The following MEIS2 variants were observed in gnomAD, a reference collection of about 807,000 sequenced individuals.
MEIS2 encodes the protein homeobox protein Meis2.
In MEIS2, 9 loss-of-function variants were observed where a neutral mutation model predicts 58.6. The ratio of observed to expected loss-of-function variants is 0.15; its 90% CI spans 0.09 to 0.27. The LOEUF (loss-of-function observed/expected upper bound fraction) is 0.27, where lower values mean the gene tolerates loss of function less well. Ranked by LOEUF, MEIS2 falls within the 10% of genes least tolerant of loss-of-function variation. The pLI, the probability that MEIS2 is intolerant of heterozygous loss-of-function variation, is 1.00. For synonymous variants in MEIS2, 221 were observed against 228.4 expected (o/e 0.97, Z 0.29); for missense variants, 427 against 635.0 (o/e 0.67, Z 3.52).
At chr15:37,011,943 A>G (rs1204931970) in intron 8 of MEIS2, among the ~76,000 whole-genome samples, 1 of 152,028 alleles carries the variant, frequency 6.6e-6, no homozygotes, top group Admixed American at 6.6e-5. Context: ...ATAGATCCCT[A>G]TGTGAATAAA....
At chr15:36,934,148 A>G (rs2058079732) in intron 9 of MEIS2, among the ~76,000 whole-genome samples, 1 of 152,212 alleles carries the variant, frequency 6.6e-6, no homozygotes, top group Non-Finnish European at 1.5e-5. Flanking sequence ...CCAATTTCTC[A>G]TGTTTAAAAT....
chr15:37,089,559 A>G (rs1893282834), intron 6 of MEIS2, among the ~76,000 whole-genome samples: 1 of 152,158 alleles, frequency 6.6e-6, no homozygotes, highest in Non-Finnish European at 1.5e-5. Flanking sequence ...TAAATATACA[A>G]TAAGTTTTCT....
chr15:37,099,130 G>A (rs1894776755), intron 1 of MEIS2: 1 of 1,100,950 alleles, frequency 9.1e-7, no homozygotes, highest in Non-Finnish European at 1.1e-6. Context: ...GCGCTGCTGG[G>A]GTAAAAGCTG....
intron 8 of MEIS2, among the ~76,000 whole-genome samples, chr15:37,028,264 C>T (rs766187805): frequency 6.6e-6 from 1 of 152,102 alleles, no homozygotes; most frequent in African/African-American, 2.4e-5. Context: ...CATTTCATTA[C>T]CCCCATGAAA....
chr15:36,973,427 T>C (rs7173152), intron 8 of MEIS2, among the ~76,000 whole-genome samples: 12,171 of 152,222 alleles, frequency 0.08, 1,124 homozygotes, highest in African/African-American at 0.21. Flanking sequence ...CACTGACTCT[T>C]ATTTGGATGC....
chr15:36,980,451 C>T (rs1023675882), intron 8 of MEIS2, among the ~76,000 whole-genome samples: 10 of 152,106 alleles, frequency 6.6e-5, no homozygotes, highest in Non-Finnish European at 1.0e-4. Flanking sequence ...GAGCAAGTCA[C>T]CTCTTACATG....
chr15:36,999,276 A>G (rs1293868638), intron 8 of MEIS2, among the ~76,000 whole-genome samples: 5 of 152,200 alleles, frequency 3.3e-5, no homozygotes, highest in East Asian at 3.9e-4. Flanking sequence ...GACACTGGGC[A>G]TACAGCAAGG....
chr15:37,094,338 C>A (rs894666807), intron 5 of MEIS2, among the ~76,000 whole-genome samples, 189 bp downstream of exon 5: 1 of 152,150 alleles, frequency 6.6e-6, no homozygotes, highest in Admixed American at 6.5e-5. Flanking sequence ...ACTTTAAAGG[C>A]AAGGCTGTCC....
chr15:37,095,926 C>G, intron 3 of MEIS2: 1 of 458,992 alleles, frequency 2.2e-6, no homozygotes, highest in Non-Finnish European at 3.9e-6. Context: ...TGGGACCGCT[C>G]GGAGAGGCGC....
intron 9 of MEIS2, among the ~76,000 whole-genome samples, chr15:36,937,592 C>G (rs2058222600): frequency 6.6e-6 from 1 of 152,168 alleles, no homozygotes; most frequent in Non-Finnish European, 1.5e-5. Flanking sequence ...ATGAAAGTGA[C>G]AAGCCAAAAT....
At chr15:36,932,501 T>A (rs1433533610) in intron 9 of MEIS2, among the ~76,000 whole-genome samples, 1 of 152,214 alleles carries the variant, frequency 6.6e-6, no homozygotes, top group South Asian at 2.1e-4. Flanking sequence ...ATAGTGATTA[T>A]GGTCTTTTTT....
intron 9 of MEIS2, among the ~76,000 whole-genome samples, chr15:36,905,950 G>A (rs1482447081): frequency 6.6e-6 from 1 of 152,142 alleles, no homozygotes; most frequent in African/African-American, 2.4e-5. Flanking sequence ...GTGTCATGAA[G>A]TCAATTAAAG....
At chr15:36,930,549 C>T (rs147413238) in intron 9 of MEIS2, among the ~76,000 whole-genome samples, 63 of 152,272 alleles carry the variant, frequency 4.1e-4, no homozygotes, top group Non-Finnish European at 8.5e-4. Flanking sequence ...CCCATGTCCT[C>T]GGCGTCTAGG....
intron 9 of MEIS2, among the ~76,000 whole-genome samples, chr15:36,940,674 C>A (rs569752373): frequency 6.6e-6 from 1 of 152,262 alleles, no homozygotes; most frequent in South Asian, 2.1e-4. Context: ...CAGGGCTCAG[C>A]AAGGACTAGA....
Position 37,098,209 on chromosome 15 carries a change from C to G in MEIS2, c.13-10G>C, listed in dbSNP as rs1024995039. On this transcript the variant is annotated splice_polypyrimidine_tract_variant and intron_variant, in intron 1 of 11. Transcript: ENST00000561208. The stretch of plus-strand genomic sequence containing the variant: ...GGGGCAGCTCATCGTACTGTCAGAA[C>G]CCGGGAAGGGGGAGGGGGCGCAGGA... The G allele has an allele frequency of 1.9e-6, 3 of 1,579,654 alleles. No homozygotes were observed. Among genetic ancestry groups the G allele is most frequent in the South Asian group, 1.2e-5 (1 of 86,556 alleles).
At chr15:37,038,516 C>A (rs992046847) in intron 7 of MEIS2, among the ~76,000 whole-genome samples, 1 of 152,244 alleles carries the variant, frequency 6.6e-6, no homozygotes, top group African/African-American at 2.4e-5. Flanking sequence ...CCCTCCATCA[C>A]ATGGAAGAGA....
chr15:37,085,723 GA>G (rs1288806714), intron 6 of MEIS2, among the ~76,000 whole-genome samples: 1 of 152,098 alleles, frequency 6.6e-6, no homozygotes, highest in Non-Finnish European at 1.5e-5. Flanking sequence ...GTAGATTAGG[GA>G]ATGAAATTGA....
At chr15:37,010,528 G>T (rs149735044) in intron 8 of MEIS2, among the ~76,000 whole-genome samples, 6 of 152,100 alleles carry the variant, frequency 3.9e-5, no homozygotes, top group Admixed American at 3.9e-4. Flanking sequence ...GACTACAGAC[G>T]CATGCCACCA....
intron 1 of MEIS2, 165 bp downstream of exon 1, chr15:37,099,290 G>A (rs1187778620): frequency 6.7e-7 from 1 of 1,488,486 alleles, no homozygotes; most frequent in Non-Finnish European, 9.0e-7. Flanking sequence ...GCAGAGGCAC[G>A]GGAGGGAAAG....
Sources: gnomAD v4.1 joint callset for allele counts (sites outside exome capture counted in the v4.1 genomes callset) on GRCh38, gnomAD v4.1.1 for gene constraint, MANE v1.5 for transcripts, NCBI Gene and HGNC (gene_info 2026-07-23, HGNC 2026-07-21) for gene names.